Variants in CCDC192 observed in about 807,000 individuals in gnomAD.
The protein encoded by CCDC192 is coiled-coil domain-containing protein 192.
intron 6 of CCDC192, among the ~76,000 whole-genome samples, chr5:127,918,396 C>A (rs1343333857): frequency 2.6e-5 from 4 of 152,150 alleles, no homozygotes; most frequent in Admixed American, 2.6e-4. Flanking sequence ...TGACACAAAC[C>A]ATGTTAGCAT....
rs867327052 is a variant in CCDC192 at position 127,875,255 on chromosome 5, C to T, written c.412-283C>T. ...GCAAGTAGAGTTCTTCTAACTGCCT[C>T]TATTATAAGCAACAGGGTTCTGACC... On this transcript the variant is annotated intron_variant, in intron 5 of 6. Transcript: ENST00000514853. Among the ~76,000 whole-genome samples the T allele has an allele frequency of 3.3e-5, 5 of 152,232 alleles. No individual in the cohort carries two copies. In the South Asian group the frequency reaches 1.0e-3, roughly 32 times the overall value.
chr5:127,719,836 G>A (rs1371480079), intron 2 of CCDC192, among the ~76,000 whole-genome samples: 3 of 149,724 alleles, frequency 2.0e-5, no homozygotes, highest in African/African-American at 7.4e-5. Context: ...GGAAGGGGCG[G>A]GGGAGGTGAC....
intron 2 of CCDC192, among the ~76,000 whole-genome samples, chr5:127,738,759 C>G (rs574008691): frequency 6.6e-6 from 1 of 152,142 alleles, no homozygotes; most frequent in Non-Finnish European, 1.5e-5. Context: ...ACGTAGTTCT[C>G]GAGCCTTGGT....
intron 2 of CCDC192, among the ~76,000 whole-genome samples, chr5:127,741,733 G>A (rs1440867676): frequency 6.6e-6 from 1 of 152,154 alleles, no homozygotes; most frequent in Non-Finnish European, 1.5e-5. Flanking sequence ...TTTAAACCAT[G>A]CAAGATATCC....
chr5:127,912,920 G>T (rs1442692714), intron 6 of CCDC192, among the ~76,000 whole-genome samples: 1 of 152,190 alleles, frequency 6.6e-6, no homozygotes, highest in Non-Finnish European at 1.5e-5. Context: ...GACACTGTAG[G>T]TGTGTTCTGC....
At chr5:127,931,730 T>A (rs2126310330) in intron 6 of CCDC192, among the ~76,000 whole-genome samples, 1 of 152,262 alleles carries the variant, frequency 6.6e-6, no homozygotes, top group South Asian at 2.1e-4. Flanking sequence ...AGATCTTGGA[T>A]TCTCCATATT....
At chr5:127,709,864 T>C (rs754969200) in intron 2 of CCDC192, among the ~76,000 whole-genome samples, 3 of 152,128 alleles carry the variant, frequency 2.0e-5, no homozygotes, top group Non-Finnish European at 2.9e-5. Flanking sequence ...ACCCTTGAAT[T>C]TGGGATATGG....
intron 6 of CCDC192, among the ~76,000 whole-genome samples, chr5:127,877,584 G>A (rs2681512): frequency 2.6e-5 from 4 of 151,934 alleles, no homozygotes; most frequent in Non-Finnish European, 4.4e-5. Flanking sequence ...TCTTCCACAG[G>A]CCCCTTGCAG....
intron 5 of CCDC192, among the ~76,000 whole-genome samples, chr5:127,833,029 G>C (rs529909581): frequency 6.6e-6 from 1 of 152,232 alleles, no homozygotes; most frequent in Admixed American, 6.5e-5. Flanking sequence ...CACATTAAAA[G>C]GCTTAGCCCT....
At chr5:127,829,595 A>G (rs1039402528) in intron 5 of CCDC192, among the ~76,000 whole-genome samples, 2 of 152,238 alleles carry the variant, frequency 1.3e-5, no homozygotes, top group Admixed American at 6.5e-5. Context: ...TAGTTTTAAT[A>G]TACAAAAAAT....
At chr5:127,879,119 G>A (rs529346339) in intron 6 of CCDC192, among the ~76,000 whole-genome samples, 1 of 152,174 alleles carries the variant, frequency 6.6e-6, no homozygotes, top group East Asian at 1.9e-4. Context: ...GAGACAATGG[G>A]GTTTTCTAGA....
chr5:127,883,669 GA>G (rs1361268542), intron 6 of CCDC192, among the ~76,000 whole-genome samples: 1 of 152,204 alleles, frequency 6.6e-6, no homozygotes, highest in Non-Finnish European at 1.5e-5. Context: ...TTATTGCACA[GA>G]AGATCTCAGG....
chr5:127,751,858 A>G (rs1193516111), intron 2 of CCDC192, among the ~76,000 whole-genome samples: 1 of 151,720 alleles, frequency 6.6e-6, no homozygotes, highest in African/African-American at 2.4e-5. Context: ...GCTTCATTTC[A>G]TTCATTTCTT....
intron 2 of CCDC192, among the ~76,000 whole-genome samples, chr5:127,726,833 A>T (rs1242356124): frequency 1.3e-5 from 2 of 152,160 alleles, no homozygotes; most frequent in Non-Finnish European, 2.9e-5. Flanking sequence ...GGCTCTGAGG[A>T]ATCCAGGCAG....
At chr5:127,716,767 C>T (rs1751644836) in intron 2 of CCDC192, among the ~76,000 whole-genome samples, 1 of 152,182 alleles carries the variant, frequency 6.6e-6, no homozygotes, top group African/African-American at 2.4e-5. Flanking sequence ...ACTTCTGATG[C>T]AGGGCCATAA....
intron 6 of CCDC192, 194 bp from the exon 7 acceptor site, chr5:127,940,988 C>T (rs1754384534): frequency 7.8e-6 from 3 of 386,478 alleles, no homozygotes; most frequent in Non-Finnish European, 1.4e-5. Context: ...TGTTTTGTTT[C>T]TTTTTTCATG....
At chr5:127,776,877 G>A (rs1755895645) in intron 3 of CCDC192, among the ~76,000 whole-genome samples, 1 of 152,248 alleles carries the variant, frequency 6.6e-6, no homozygotes. Context: ...TTGAGGTTTG[G>A]AAACTTCCGC....
At chr5:127,931,185 C>T (rs1445675139) in intron 6 of CCDC192, among the ~76,000 whole-genome samples, 1 of 152,154 alleles carries the variant, frequency 6.6e-6, no homozygotes, top group Non-Finnish European at 1.5e-5. Context: ...CTTCCTTCCT[C>T]TCCCTCTGGC....
chr5:127,858,894 C>G lies in CCDC192; in HGVS notation c.412-16644C>G, dbSNP rs1290855055. ...ACAGTACAATAAAGTCACATTAAATCATCATCAAGGGGCTCAAATTATTTG... is the reference window on the plus strand; with the variant it reads ...ACAGTACAATAAAGTCACATTAAATGATCATCAAGGGGCTCAAATTATTTG... On this transcript the variant is annotated intron_variant, in intron 5 of 6. Coordinates refer to ENST00000514853, the MANE Select transcript of CCDC192 (RefSeq NM_001317938.2). Among the ~76,000 whole-genome samples the G allele has an allele frequency of 5.3e-5, 8 of 152,134 alleles. No homozygotes were observed. In the East Asian group the frequency reaches 1.6e-3, roughly 30 times the overall value.
Sources: allele counts gnomAD v4.1 joint callset (sites outside exome capture counted in the v4.1 genomes callset), GRCh38; gene constraint gnomAD v4.1.1; transcripts MANE v1.5; gene names NCBI Gene and HGNC (gene_info 2026-07-23, HGNC 2026-07-21).